The following TBC1D9 variants were observed in gnomAD, a reference collection of about 807,000 sequenced individuals.
The protein encoded by TBC1D9 is TBC1 domain family member 9A.
Under a neutral mutation model 132.0 loss-of-function variants are expected in TBC1D9, and 63 were observed. The observed-to-expected ratio is 0.48, with a 90% CI of 0.39 to 0.59. The LOEUF (loss-of-function observed/expected upper bound fraction) is 0.59. Ranked by LOEUF, TBC1D9 falls within the 20% of genes least tolerant of loss-of-function variation. The probability of loss-of-function intolerance (pLI) is 0.00; values close to 1 mark genes in which losing one functional copy is unlikely to be tolerated. For synonymous variants in TBC1D9, 610 were observed against 609.9 expected (o/e 1.00, Z 0.00); for missense variants, 1,261 against 1,592.7 (o/e 0.79, Z 3.54).
In TBC1D9 at chr4:140,706,597, G is replaced by A. The variant is rs1203143945; in HGVS notation, c.131-4983C>T. On this transcript the variant is annotated intron_variant, in intron 1 of 20. Transcript: ENST00000442267. The surrounding 1 kb of genome is among the most constrained non-coding windows in gnomAD (Gnocchi z 4.0). ...AAAGAAAAGGTAACAGCCACAGTGA[G>A]GTTCCCTTTGCACTCCTTTAATCCC... Among the ~76,000 whole-genome samples, 2 of 151,962 alleles carry A rather than the reference G, an allele frequency of 1.3e-5. No homozygotes were observed. Among genetic ancestry groups the A allele is most frequent in the East Asian group, 1.9e-4 (1 of 5,180 alleles).
intron 16 of TBC1D9, among the ~76,000 whole-genome samples, chr4:140,629,906 T>C (rs1736765851): frequency 6.6e-6 from 1 of 152,220 alleles, no homozygotes; most frequent in South Asian, 2.1e-4. Context: ...AATTACTTCA[T>C]ATGTATAATC....
intron 1 of TBC1D9, among the ~76,000 whole-genome samples, chr4:140,738,049 T>A (rs1435766913): frequency 6.6e-6 from 1 of 152,214 alleles, no homozygotes; most frequent in East Asian, 1.9e-4. Context: ...TAATTTTATG[T>A]CCACAAGGAA....
In TBC1D9 at chr4:140,730,449, C is replaced by T. The variant is rs559975277; in HGVS notation, c.130+25467G>A. Among the ~76,000 whole-genome samples, 9 of 152,166 alleles carry T rather than the reference C, an allele frequency of 5.9e-5. No individual in the cohort carries two copies. The South Asian group carries it at 1.9e-3, about 31-fold the overall frequency. ...ATCAAGAAACAGGACATGGGCCGGG[C>T]ATGGTGACTCATGCCTGTGATAATC... On this transcript the variant is annotated intron_variant, in intron 1 of 20. Transcript: ENST00000442267.
intron 1 of TBC1D9, among the ~76,000 whole-genome samples, chr4:140,731,575 A>C (rs1466741857): frequency 6.6e-6 from 1 of 152,102 alleles, no homozygotes; most frequent in East Asian, 1.9e-4. Flanking sequence ...ATTGATTCAC[A>C]AAAGGGTAAA....
intron 1 of TBC1D9, among the ~76,000 whole-genome samples, chr4:140,725,287 A>T (rs2111061948): frequency 6.6e-6 from 1 of 152,348 alleles, no homozygotes; most frequent in East Asian, 1.9e-4. Flanking sequence ...ATTGTACGGT[A>T]GATGAACCTG....
chr4:140,709,254 A>T (rs34842723), intron 1 of TBC1D9, among the ~76,000 whole-genome samples: 26,216 of 86,064 alleles, frequency 0.3, 3,044 homozygotes, highest in Non-Finnish European at 0.43. Flanking sequence ...TCTCTCACAC[A>T]CACACACACA....
intron 2 of TBC1D9, among the ~76,000 whole-genome samples, chr4:140,698,055 C>T (rs1178369576): frequency 6.6e-6 from 1 of 152,196 alleles, no homozygotes; most frequent in Non-Finnish European, 1.5e-5. Flanking sequence ...CTCTCCCTAA[C>T]TTTTAACTTC....
intron 2 of TBC1D9, among the ~76,000 whole-genome samples, chr4:140,689,473 CTT>C (rs1484578475): frequency 5.3e-5 from 6 of 114,064 alleles, no homozygotes; most frequent in Non-Finnish European, 7.4e-5. Context: ...CTTCCCTTCC[CTT>C]CCCCTTTTTC....
intron 13 of TBC1D9, among the ~76,000 whole-genome samples, chr4:140,653,837 T>C (rs1737223611): frequency 6.6e-6 from 1 of 152,204 alleles, no homozygotes; most frequent in Non-Finnish European, 1.5e-5. Context: ...GGAAGGGAAC[T>C]GCGGCTTTGT....
intron 20 of TBC1D9, among the ~76,000 whole-genome samples, chr4:140,623,890 T>C (rs888823268): frequency 6.6e-6 from 1 of 152,226 alleles, no homozygotes; most frequent in Admixed American, 6.5e-5. Flanking sequence ...ACTCTCAAAA[T>C]GGAATATGTT....
intron 1 of TBC1D9, among the ~76,000 whole-genome samples, chr4:140,740,506 C>A (rs1039943431): frequency 6.6e-6 from 1 of 152,194 alleles, no homozygotes; most frequent in African/African-American, 2.4e-5. Context: ...CCCCTTTACT[C>A]GCTCTTTCTC....
At chr4:140,733,547 G>A (rs2111070303) in intron 1 of TBC1D9, among the ~76,000 whole-genome samples, 1 of 152,242 alleles carries the variant, frequency 6.6e-6, no homozygotes, top group African/African-American at 2.4e-5. Context: ...TTCTTATTAT[G>A]TGTGTTTACA....
At chr4:140,732,537 G>A (rs1037383074) in intron 1 of TBC1D9, among the ~76,000 whole-genome samples, 1 of 152,176 alleles carries the variant, frequency 6.6e-6, no homozygotes, top group Non-Finnish European at 1.5e-5. Context: ...TGTTCTCCAA[G>A]TCCTAAATAA....
intron 1 of TBC1D9, among the ~76,000 whole-genome samples, chr4:140,709,246 T>A (rs113041876): frequency 0.052 from 5,222 of 101,184 alleles, 270 homozygotes; most frequent in African/African-American, 0.23. Context: ...TCTCTCTCTC[T>A]CTCACACACA....
At chr4:140,659,794 A>C in intron 10 of TBC1D9, 89 bp from the exon 11 acceptor site, 1 of 890,954 alleles carries the variant, frequency 1.1e-6, no homozygotes, top group Non-Finnish European at 1.7e-6. Context: ...TATTCTCACA[A>C]GGGCTGGCAA....
chr4:140,678,968 A>T lies in TBC1D9; in HGVS notation c.825T>A (p.Ser275=). 1 of 1,613,872 alleles carries T rather than the reference A, an allele frequency of 6.2e-7. No homozygotes were observed. The highest frequency in any genetic ancestry group is 8.5e-7 in the Non-Finnish European group (1 of 1,179,808). The change falls in exon 5 of 21, where the codon TCT becomes TCA. Residue 275 remains serine, a synonymous_variant. Transcript: ENST00000442267. ...GTTTTAGAGCAGACACTTTTTTAGG[A>T]GATTTCCTTTTGAGTTTGGGCAGGG... ...DRSLPKLKRK[S]PKKVSALKRD...
chr4:140,703,740 G>A (rs186083920), intron 1 of TBC1D9, among the ~76,000 whole-genome samples: 70 of 152,114 alleles, frequency 4.6e-4, no homozygotes, highest in Non-Finnish European at 5.4e-4. Context: ...AAAAACTTTT[G>A]CTCAATAGAA....
At chr4:140,649,502 AC>A (rs1390147049) in intron 13 of TBC1D9, among the ~76,000 whole-genome samples, 1 of 152,198 alleles carries the variant, frequency 6.6e-6, no homozygotes, top group African/African-American at 2.4e-5. Context: ...GCCTTGGATG[AC>A]TGGGTGAGAG....
chr4:140,686,458 AC>A lies in TBC1D9; in HGVS notation c.245del (p.Gly82ValfsTer34). 6.4e-7 allele frequency: 1 copy of A among 1,571,012 alleles called. No homozygotes were observed. The highest frequency in any genetic ancestry group is 8.7e-7 in the Non-Finnish European group (1 of 1,147,628). ...AGTGTTCAGTGATTTCTTTCCTGGA[AC>A]CACCTGTACAAATGAAAATAATAAT... ...SLVYWTIACG[G>X]SRKEITEHWE... On this transcript the variant is annotated frameshift_variant, in exon 3 of 21. Coordinates refer to ENST00000442267, the MANE Select transcript of TBC1D9 (RefSeq NM_015130.3). LOFTEE classifies it high-confidence loss of function.
Sources: allele counts gnomAD v4.1 joint callset (sites outside exome capture counted in the v4.1 genomes callset), GRCh38; gene constraint gnomAD v4.1.1; non-coding constraint Gnocchi (gnomAD v3.1); transcripts MANE v1.5; gene names NCBI Gene and HGNC (gene_info 2026-07-23, HGNC 2026-07-21).